The following KRT31 variants were observed in gnomAD, a reference collection of about 807,000 sequenced individuals.
KRT31 encodes keratin 31.
In KRT31, 27 loss-of-function variants were observed where a neutral mutation model predicts 40.8. That is an observed-to-expected ratio of 0.66 (90% CI 0.49 to 0.91). The LOEUF (loss-of-function observed/expected upper bound fraction) is 0.91, where lower values mean the gene tolerates loss of function less well. Ranked by LOEUF, KRT31 falls within the 40% of genes least tolerant of loss-of-function variation. The probability of loss-of-function intolerance (pLI) is 0.00; values close to 1 mark genes in which losing one functional copy is unlikely to be tolerated. For synonymous variants in KRT31, 231 were observed against 231.9 expected, an observed-to-expected ratio of 1.00 and a Z score of 0.03; for missense variants, 510 against 544.1, an observed-to-expected ratio of 0.94 and a Z score of 0.62.
chr17:41,393,968 CTG>C lies in KRT31; in HGVS notation c.*46_*47del, dbSNP rs1329227239. On this transcript the variant is annotated 3_prime_UTR_variant, in exon 7 of 7. Transcript: ENST00000251645. The stretch of plus-strand genomic sequence containing the variant: ...GTTGAACCAGAGCCAGGTCACAGCT[CTG>C]GAGTCCTGGGCCCTGCATCCTTGCT... 1.3e-6 allele frequency: 2 copies of C among 1,591,800 alleles called. No individual in the cohort carries two copies. Among genetic ancestry groups the C allele is most frequent in the Non-Finnish European group, 1.7e-6 (2 of 1,172,528 alleles).
At chr17:41,395,754 G>T in intron 3 of KRT31, 131 bp from the exon 4 acceptor site, 1 of 1,056,988 alleles carries the variant, frequency 9.5e-7, no homozygotes, top group Non-Finnish European at 1.3e-6. Flanking sequence ...GTTTGTGACA[G>T]CTCAAGGCAC....
rs1307405231 is a variant in KRT31 at position 41,397,239 on chromosome 17, G to C, written c.301C>G (p.Pro101Ala). 1.2e-6 allele frequency: 2 copies of C among 1,614,120 alleles called. No homozygotes were observed. The highest frequency in any genetic ancestry group is 1.1e-5 in the South Asian group (1 of 91,072). The change falls in exon 1 of 7, where the codon CCC becomes GCC. Residue 101 changes from proline to alanine, a missense_variant. Pro to Ala is a conservative substitution (Grantham distance 27). Transcript: ENST00000251645. The stretch of plus-strand genomic sequence containing the variant: ...GTCTTAAAATAGGACTGGTAACTGG[G>C]GCACAGCAAGGGCTCCTGCTGCTGA... ...RSQQQEPLLC[P>A]SYQSYFKTIE...
intron 1 of KRT31, 47 bp downstream of exon 1, chr17:41,397,145 A>T: frequency 6.2e-7 from 1 of 1,602,746 alleles, no homozygotes; most frequent in Non-Finnish European, 8.5e-7. Flanking sequence ...TCACAGACAG[A>T]ATCACAGCAA....
At chr17:41,395,154 G>A in intron 5 of KRT31, 86 bp from the exon 6 acceptor site, 2 of 1,608,924 alleles carry the variant, frequency 1.2e-6, no homozygotes, top group South Asian at 1.1e-5. Context: ...CAAGCTCCAA[G>A]AGCTAAGGAG....
rs150852225 is a variant in KRT31 at position 41,396,175 on chromosome 17, T to C, written c.588+245A>G. Reference sequence around the variant, plus strand: ...CTAGGACTCATTCTACAACTATTGATCAACTGCAAGCACATGGAGCTGCTC... The same window carrying C: ...CTAGGACTCATTCTACAACTATTGACCAACTGCAAGCACATGGAGCTGCTC... On this transcript the variant is annotated intron_variant, in intron 3 of 6. Transcript: ENST00000251645. Among the ~76,000 whole-genome samples, 265 of 152,200 alleles carry C rather than the reference T, an allele frequency of 1.7e-3. 1 individual carries two copies. Among genetic ancestry groups the C allele is most frequent in the Non-Finnish European group, 2.1e-3 (141 of 68,022 alleles).
rs201426405 is a variant in KRT31, at chr17:41,395,074, G to C, written c.877-6C>G. On this transcript the variant is annotated splice_region_variant and splice_polypyrimidine_tract_variant and intron_variant, in intron 5 of 6. Transcript: ENST00000251645. Reference sequence around the variant, plus strand: ...GTGTTTTCCAGAGAGTCTCGCTGTGGTGGAGAAGATTGGGAATGTCAGAGA... The same window carrying C: ...GTGTTTTCCAGAGAGTCTCGCTGTGCTGGAGAAGATTGGGAATGTCAGAGA... The C allele has an allele frequency of 1.2e-5, 19 of 1,614,132 alleles. No individual in the cohort carries two copies. The African/African-American group carries it at 2.5e-4, about 22-fold the overall frequency.
Position 41,397,364 on chromosome 17 carries a change from G to A in KRT31, c.176C>T (p.Thr59Ile). 6.2e-7 allele frequency: 1 copy of A among 1,613,372 alleles called. No homozygotes were observed. Among genetic ancestry groups the A allele is most frequent in the Non-Finnish European group, 8.5e-7 (1 of 1,180,056 alleles). Residue 59 changes from threonine (T) to isoleucine (I), a missense_variant, in exon 1 of 7, where the codon ACT (threonine) becomes ATT (isoleucine). Physicochemically the swap from Thr to Ile is moderately conservative, Grantham distance 89. Coordinates refer to ENST00000251645, the MANE Select transcript of KRT31 (RefSeq NM_002277.3). ...CAGGCGGTCGTTCAGGAACTGCATA[G>A]TCTCCTTCTCGCTACCATTGAAGGA... ...EGSFNGSEKE[T>I]MQFLNDRLAS...
intron 2 of KRT31, 114 bp from the exon 3 acceptor site, chr17:41,396,690 G>T: frequency 8.0e-7 from 1 of 1,255,002 alleles, no homozygotes; most frequent in Middle Eastern, 1.9e-4. Flanking sequence ...ATAGGCCCAG[G>T]AGACAGAGGT....
rs1255833557 is a variant in KRT31, at chr17:41,395,641, A to G, written c.589-18T>C. On this transcript the variant is annotated intron_variant, in intron 3 of 6. Transcript: ENST00000251645. ...TTGACCTCCTATGGATGCAGAAAATACAAGAGTTACTATGCTCAGCAAAGA... is the reference window on the plus strand; with the variant it reads ...TTGACCTCCTATGGATGCAGAAAATGCAAGAGTTACTATGCTCAGCAAAGA... The G allele has an allele frequency of 6.2e-7, 1 of 1,611,010 alleles. No individual in the cohort carries two copies. The highest frequency in any genetic ancestry group is 1.3e-5 in the African/African-American group (1 of 74,828).
At position 41,396,936 on chromosome 17, in the gene KRT31, C is replaced by T; in HGVS notation, c.408G>A (p.Leu136=). Residue 136 remains leucine, a synonymous_variant, in exon 2 of 7, where the codon CTG becomes CTA. Coordinates refer to ENST00000251645, the MANE Select transcript of KRT31 (RefSeq NM_002277.3). ...RLVVQIDNAK[L]AADDFRTKYQ... is the part of the protein sequence containing the mutation. The stretch of plus-strand genomic sequence containing the variant: ...ACTTGGTTCTGAAATCATCCGCAGC[C>T]AGCTTGGCGTTGTCGATCTGCACCA... 1 of 1,614,120 alleles carries T rather than the reference C, an allele frequency of 6.2e-7. No individual in the cohort carries two copies. Among genetic ancestry groups the T allele is most frequent in the Non-Finnish European group, 8.5e-7 (1 of 1,179,988 alleles).
chr17:41,396,105 CAAAAAAAA>C (rs10711172), intron 3 of KRT31, among the ~76,000 whole-genome samples: 4 of 82,270 alleles, frequency 4.9e-5, no homozygotes, highest in Non-Finnish European at 1.1e-4. Flanking sequence ...TGGCCTTTGC[CAAAAAAAA>C]AAAAAAAAGA....
At chr17:41,395,732 T>C in intron 3 of KRT31, 109 bp from the exon 4 acceptor site, 1 of 1,324,646 alleles carries the variant, frequency 7.5e-7, no homozygotes, top group Non-Finnish European at 1.0e-6. Flanking sequence ...AAAAGAAACT[T>C]TGAGTGGAGC....
In KRT31 at chr17:41,394,076, G is replaced by A. The variant is rs370512719; in HGVS notation, c.1191C>T (p.Ala397=). 4 of 1,613,382 alleles carry A rather than the reference G, an allele frequency of 2.5e-6. No individual in the cohort carries two copies. The highest frequency in any genetic ancestry group is 3.4e-6 in the Non-Finnish European group (4 of 1,179,722). The change falls in exon 7 of 7, where the codon GCC becomes GCT. Residue 397 remains alanine, a synonymous_variant. Transcript: ENST00000251645. ...SNPCTSCVPP[A]PCTPCAPRPR... ...GGCGTGGGGCACAGGGTGTGCAGGG[G>A]GCAGGAGGGACACAAGAGGTACAGG...
In KRT31 at chr17:41,394,179, A is replaced by G. The variant is rs369133914; in HGVS notation, c.1098-10T>C. 3 of 1,609,760 alleles carry G rather than the reference A, an allele frequency of 1.9e-6. No homozygotes were observed. Among genetic ancestry groups the G allele is most frequent in the East Asian group, 4.5e-5 (2 of 44,678 alleles). On this transcript the variant is annotated splice_polypyrimidine_tract_variant and intron_variant, in intron 6 of 6. Coordinates refer to ENST00000251645, the MANE Select transcript of KRT31 (RefSeq NM_002277.3). ...GGGATTGCTGGGCAGACTGGAGACA[A>G]AAGAATGATGTGGAAAAGTGAGTTA...
At position 41,395,302 on chromosome 17, in the gene KRT31, G is replaced by T; in HGVS notation, c.819C>A (p.Ile273=). The change falls in exon 5 of 7, where the codon ATC becomes ATA. Residue 273 remains isoleucine (I), a synonymous_variant. Coordinates refer to ENST00000251645, the MANE Select transcript of KRT31 (RefSeq NM_002277.3). ...GGGCGTTGACTGTGCGTCTCAGCTC[G>T]ATGATCTCCGCCTGGTAGGACTGCA... ...EQLQSYQAEI[I]ELRRTVNALE... is the part of the protein sequence containing the mutation. 1 of 1,613,438 alleles carries T rather than the reference G, an allele frequency of 6.2e-7. No homozygotes were observed. Among genetic ancestry groups the T allele is most frequent in the East Asian group, 2.2e-5 (1 of 44,890 alleles).
rs777736908 is a variant in KRT31, at chr17:41,396,580, C to T, written c.432-4G>A. On this transcript the variant is annotated splice_region_variant and splice_polypyrimidine_tract_variant and intron_variant, in intron 2 of 6. Transcript: ENST00000251645. ...CAGGGACAGCTCGGTCTGGTACCTGCGCAAGGACAGGGTCAGAGTACTACC... is the reference window on the plus strand; with the variant it reads ...CAGGGACAGCTCGGTCTGGTACCTGTGCAAGGACAGGGTCAGAGTACTACC... 17 of 1,612,718 alleles carry T rather than the reference C, an allele frequency of 1.1e-5. No homozygotes were observed. Among genetic ancestry groups the T allele is most frequent in the South Asian group, 2.2e-5 (2 of 90,830 alleles).
In KRT31 at chr17:41,394,858, C is replaced by T. The variant is rs765550426; in HGVS notation, c.1087G>A (p.Glu363Lys). 2.0e-5 allele frequency: 32 copies of T among 1,614,024 alleles called. No individual in the cohort carries two copies. Among genetic ancestry groups the T allele is most frequent in the Non-Finnish European group, 2.5e-5 (29 of 1,180,012 alleles). The change falls in exon 6 of 7, where the codon GAG (glutamate) becomes AAG (lysine). Residue 363 changes from glutamate (E) to lysine (K), a missense_variant. By Grantham distance (56) the Glu-to-Lys change is moderately conservative. Coordinates refer to ENST00000251645, the MANE Select transcript of KRT31 (RefSeq NM_002277.3). The stretch of plus-strand genomic sequence containing the variant: ...TGCCCATGTACTCACTTGCAGTCCT[C>T]GCTCTCCAGCAGGCTCCGGTATGTG... The part of the protein sequence containing the change: ...INTYRSLLES[E>K]DCNLPSNPCA...
chr17:41,397,469 G>A lies in KRT31; in HGVS notation c.71C>T (p.Pro24Leu), dbSNP rs1304235388. Residue 24 changes from proline to leucine, a missense_variant, in exon 1 of 7, where the codon CCC becomes CTC. Physicochemically the swap from Pro to Leu is moderately conservative, Grantham distance 98. Transcript: ENST00000251645. The part of the protein sequence containing the change: ...TSCSSRPCVP[P>L]SCHSCTLPGA... ...GGGCAGGGTGCAGCTGTGGCAGCTG[G>A]GGGGCACGCAGGGCCGGGAGGAGCA... 4 of 1,613,330 alleles carry A rather than the reference G, an allele frequency of 2.5e-6. No individual in the cohort carries two copies. The highest frequency in any genetic ancestry group is 2.7e-5 in the African/African-American group (2 of 75,020).
Position 41,394,108 on chromosome 17 carries a change from A to G in KRT31, c.1159T>C (p.Ser387Pro). The G allele has an allele frequency of 6.2e-7, 1 of 1,613,102 alleles. No individual in the cohort carries two copies. Among genetic ancestry groups the G allele is most frequent in the Non-Finnish European group, 8.5e-7 (1 of 1,179,546 alleles). The part of the protein sequence containing the change: ...ACSKPIGPCL[S>P]NPCTSCVPPA... ...GGGACACAAGAGGTACAGGGATTGG[A>G]GAGACAGGGTCCGATGGGCTTGCTG... Residue 387 changes from serine (S) to proline (P), a missense_variant, in exon 7 of 7, where the codon TCC becomes CCC. Transcript: ENST00000251645.
Sources: allele counts gnomAD v4.1 joint callset (sites outside exome capture counted in the v4.1 genomes callset), GRCh38; gene constraint gnomAD v4.1.1; transcripts MANE v1.5; gene names NCBI Gene and HGNC (gene_info 2026-07-23, HGNC 2026-07-21).